WDR59: variants seen among roughly 807,000 people sequenced by gnomAD.
WDR59 encodes GATOR2 complex protein WDR59.
A neutral mutation model predicts 131.2 loss-of-function variants in WDR59; 100 were observed. That is an observed-to-expected ratio of 0.76 (90% confidence interval 0.65 to 0.90). WDR59 has a LOEUF of 0.90. Ranked by LOEUF, WDR59 falls within the 40% of genes least tolerant of loss-of-function variation. WDR59 has a pLI of 0.00. For synonymous variants in WDR59, 601 were observed against 466.2 expected (o/e 1.29, Z -3.72); for missense variants, 1,203 against 1,262.2 (o/e 0.95, Z 0.71).
In WDR59 at chr16:74,912,232, G is replaced by A; in HGVS notation, c.1355C>T (p.Thr452Ile). 2 of 1,614,162 alleles carry A rather than the reference G, an allele frequency of 1.2e-6. No individual in the cohort carries two copies. Among genetic ancestry groups the A allele is most frequent in the Non-Finnish European group, 8.5e-7 (1 of 1,180,032 alleles). ...APSFQFINPT[T>I]ITSTMKAKLL... ...CTTAGCTTTCATGGTGGATGTGATG[G>A]TTGTGGGGTTAATAAACTGGAAGGA... The change falls in exon 14 of 26, where the codon ACC becomes ATC. Residue 452 changes from threonine to isoleucine, a missense_variant. By Grantham distance (89) the Thr-to-Ile change is moderately conservative. Transcript: ENST00000262144.
intron 1 of WDR59, among the ~76,000 whole-genome samples, chr16:74,976,101 T>C (rs1331727267): frequency 6.6e-6 from 1 of 152,226 alleles, no homozygotes; most frequent in African/African-American, 2.4e-5. Context: ...CTCTATAGTT[T>C]TTCAAAATGA....
At chr16:74,974,548 C>CCTGCTTGCAAGGGTGGCTCTTGG (rs2034112549) in intron 1 of WDR59, among the ~76,000 whole-genome samples, 3 of 152,142 alleles carry the variant, frequency 2.0e-5, no homozygotes, top group African/African-American at 7.2e-5. Context: ...CCTTGCGAGG[C>CCTGCTTGCAAGGGTGGCTCTTGG]CTGCTTGCAA....
chr16:74,963,872 G>T (rs1420869457), intron 2 of WDR59, among the ~76,000 whole-genome samples: 3 of 151,952 alleles, frequency 2.0e-5, no homozygotes, highest in Non-Finnish European at 4.4e-5. Flanking sequence ...ATACACTCCA[G>T]CCTGGGTGAC....
intron 13 of WDR59, among the ~76,000 whole-genome samples, chr16:74,914,102 T>C (rs934039299): frequency 6.6e-6 from 1 of 151,970 alleles, no homozygotes; most frequent in Admixed American, 6.6e-5. Context: ...ATCCCAGCTA[T>C]CTGGGAAGCT....
chr16:74,945,443 C>G (rs1421214773), intron 6 of WDR59, among the ~76,000 whole-genome samples: 4 of 151,662 alleles, frequency 2.6e-5, no homozygotes, highest in Non-Finnish European at 4.4e-5. Flanking sequence ...TGCCACTGCA[C>G]TCCAGCCTGG....
rs557828821 is a variant in WDR59 at position 74,941,459 on chromosome 16, C to T, written c.534+1279G>A. Among the ~76,000 whole-genome samples the T allele has an allele frequency of 5.9e-5, 9 of 151,768 alleles. No individual in the cohort carries two copies. The East Asian group carries it at 1.6e-3, about 26-fold the overall frequency. ...CTATAATCCCAGCACTTTGGGAGGC[C>T]GAGGTGGGCAGATCACTTGAGGTCG... On this transcript the variant is annotated intron_variant, in intron 7 of 25. Transcript: ENST00000262144.
At chr16:74,911,304 G>T (rs887897558) in intron 14 of WDR59, among the ~76,000 whole-genome samples, 1 of 152,146 alleles carries the variant, frequency 6.6e-6, no homozygotes, top group African/African-American at 2.4e-5. Flanking sequence ...AATACCACAA[G>T]ATCTGAGTTA....
intron 20 of WDR59, 90 bp from the exon 21 acceptor site, chr16:74,889,905 C>A: frequency 1.1e-6 from 1 of 928,748 alleles, no homozygotes; most frequent in Non-Finnish European, 1.6e-6. Flanking sequence ...CATATAAAAC[C>A]TGATGCCTTG....
At chr16:74,922,610 C>T (rs1386457038) in intron 9 of WDR59, among the ~76,000 whole-genome samples, 1 of 152,178 alleles carries the variant, frequency 6.6e-6, no homozygotes, top group African/African-American at 2.4e-5. Context: ...TTGCTCGCTT[C>T]AGGACTGACA....
At position 74,888,202 on chromosome 16, in the gene WDR59, A is replaced by G; in HGVS notation, c.2313T>C (p.Arg771=). The G allele has an allele frequency of 6.2e-7, 1 of 1,613,614 alleles. No homozygotes were observed. Among genetic ancestry groups the G allele is most frequent in the Non-Finnish European group, 8.5e-7 (1 of 1,179,876 alleles). ...TATGGGACACCACAAGATTAGAAGA[A>G]CGGTTAGGAAAAGGCCCAAAGGGGT... ...LPNPFGPFPN[R]SSNLVVSHSR... Residue 771 remains arginine, a synonymous_variant, in exon 22 of 26, where the codon CGT becomes CGC. Coordinates refer to ENST00000262144, the MANE Select transcript of WDR59 (RefSeq NM_030581.4).
intron 6 of WDR59, among the ~76,000 whole-genome samples, chr16:74,946,005 C>CG (rs1454958461): frequency 6.6e-6 from 1 of 151,682 alleles, no homozygotes; most frequent in Non-Finnish European, 1.5e-5. Context: ...TTAGTAGAGA[C>CG]GGGGTTTCTC....
intron 6 of WDR59, among the ~76,000 whole-genome samples, chr16:74,943,980 A>C (rs1263677597): frequency 6.6e-6 from 1 of 152,172 alleles, no homozygotes; most frequent in Non-Finnish European, 1.5e-5. Context: ...GAAGAGTATT[A>C]GGAGGTGGCT....
rs767839355 is a variant in WDR59, at chr16:74,874,410, C to G, written c.2724G>C (p.Glu908Asp). The stretch of plus-strand genomic sequence containing the variant: ...AGATGGCACACTGCGTGCCACGGAC[C>G]TCACTCCGGCAGTGGCTGCAGTACA... Reference protein sequence around the residue: ...FGVYCSHCRSEVRGTQCAICK... With the variant: ...FGVYCSHCRSDVRGTQCAICK... Residue 908 changes from glutamate (E) to aspartate (D), a missense_variant, in exon 26 of 26, where the codon GAG (glutamate) becomes GAC (aspartate). Glu to Asp is a conservative substitution (Grantham distance 45). Transcript: ENST00000262144. 2 of 1,614,062 alleles carry G rather than the reference C, an allele frequency of 1.2e-6. No homozygotes were observed. Among genetic ancestry groups the G allele is most frequent in the Admixed American group, 3.3e-5 (2 of 60,012 alleles).
chr16:74,982,040 G>C (rs940607404), intron 1 of WDR59, among the ~76,000 whole-genome samples: 3 of 143,630 alleles, frequency 2.1e-5, no homozygotes, highest in Non-Finnish European at 4.6e-5. Flanking sequence ...AAAATCACTT[G>C]AACCTCGGAG....
chr16:74,966,785 T>C (rs2033793875), intron 1 of WDR59, among the ~76,000 whole-genome samples: 1 of 152,226 alleles, frequency 6.6e-6, no homozygotes, highest in Non-Finnish European at 1.5e-5. Flanking sequence ...TGCATTTAAC[T>C]GGTTTCTATT....
chr16:74,976,592 C>T (rs1188876658), intron 1 of WDR59, among the ~76,000 whole-genome samples: 1 of 151,972 alleles, frequency 6.6e-6, no homozygotes, highest in Admixed American at 6.6e-5. Flanking sequence ...CAGGTGCCCA[C>T]CACCACACCT....
chr16:74,937,992 A>T (rs939974442), intron 8 of WDR59, among the ~76,000 whole-genome samples, 158 bp downstream of exon 8: 1 of 152,250 alleles, frequency 6.6e-6, no homozygotes, highest in Admixed American at 6.5e-5. Context: ...TTTGCTGGTC[A>T]GCATAACCAA....
chr16:74,945,269 G>A (rs2032532233), intron 6 of WDR59, among the ~76,000 whole-genome samples: 1 of 151,982 alleles, frequency 6.6e-6, no homozygotes, highest in South Asian at 2.1e-4. Flanking sequence ...GAGGTCAGGA[G>A]ATCGAGACCA....
At chr16:74,972,736 A>G (rs886602434) in intron 1 of WDR59, among the ~76,000 whole-genome samples, 2 of 146,800 alleles carry the variant, frequency 1.4e-5, no homozygotes, top group African/African-American at 5.0e-5. Flanking sequence ...CACAAGATTC[A>G]CTTGAAACCT....
Sources: allele counts gnomAD v4.1 joint callset (sites outside exome capture counted in the v4.1 genomes callset), GRCh38; gene constraint gnomAD v4.1.1; transcripts MANE v1.5; gene names NCBI Gene and HGNC (gene_info 2026-07-23, HGNC 2026-07-21).